Variants in HRH2 observed in about 807,000 individuals in gnomAD.
The protein encoded by HRH2 is histamine H2 receptor.
HRH2 carries 4 observed loss-of-function variants against 20.1 expected under a neutral mutation model. That is an observed-to-expected ratio of 0.20 (90% CI 0.10 to 0.45). The LOEUF is 0.45. HRH2 is among the 20% of genes least tolerant of loss of function. The pLI, the probability that HRH2 is intolerant of heterozygous loss-of-function variation, is 0.99. For missense variants in HRH2, 250 were observed against 461.6 expected, an observed-to-expected ratio of 0.54 and a Z score of 4.20; for synonymous variants, 197 against 200.7, an observed-to-expected ratio of 0.98 and a Z score of 0.16.
At chr5:175,674,870 T>C (rs749898025) in intron 1 of HRH2, among the ~76,000 whole-genome samples, 1 of 152,332 alleles carries the variant, frequency 6.6e-6, no homozygotes, top group Non-Finnish European at 1.5e-5. Flanking sequence ...AGGAAGGAGT[T>C]AGACACCTGC....
intron 1 of HRH2, among the ~76,000 whole-genome samples, chr5:175,658,604 T>C (rs1762637959): frequency 6.6e-6 from 1 of 152,038 alleles, no homozygotes; most frequent in Admixed American, 6.6e-5. Context: ...GGAGCAACTT[T>C]CTGCTAAAGG....
chr5:175,673,852 C>A (rs1308598695), intron 1 of HRH2, among the ~76,000 whole-genome samples: 1 of 151,868 alleles, frequency 6.6e-6, no homozygotes, highest in African/African-American at 2.4e-5. Context: ...TTACAGATGC[C>A]CGCCACCACG....
intron 1 of HRH2, among the ~76,000 whole-genome samples, chr5:175,668,400 C>T (rs555226650): frequency 1.3e-5 from 2 of 151,220 alleles, no homozygotes; most frequent in East Asian, 1.9e-4. Context: ...AGCTGTTGCT[C>T]GCAGGGTGGG....
rs1325645243 is a variant in HRH2 at position 175,693,771 on chromosome 5, G to A, written c.1076+9462G>A. Among the ~76,000 whole-genome samples, 10 of 152,178 alleles carry A rather than the reference G, an allele frequency of 6.6e-5. No homozygotes were observed. Among genetic ancestry groups the A allele is most frequent in the Non-Finnish European group, 1.3e-4 (9 of 68,030 alleles). On this transcript the variant is annotated intron_variant, in intron 2 of 2. Coordinates refer to ENST00000636584, the MANE Select transcript of HRH2 (RefSeq NM_001367711.1). This position sits in a 1 kb window ranked among gnomAD's most constrained non-coding sequence, Gnocchi z 4.4. Reference sequence around the variant, plus strand: ...CAGACATGGCCTTAATGTCATGGTGGTAAGAGGATGCACATGCTCTTGTTC... The same window carrying A: ...CAGACATGGCCTTAATGTCATGGTGATAAGAGGATGCACATGCTCTTGTTC...
In HRH2 at chr5:175,665,542, G is replaced by A. The variant is rs116798116; in HGVS notation, c.-526+7387G>A. On this transcript the variant is annotated intron_variant, in intron 1 of 2. Transcript: ENST00000636584. ...GAGGGCTGTTAGAACCCAGAGCAGGGGTCCTGGCTACAAGACCACTGACTG... is the reference window on the plus strand; with the variant it reads ...GAGGGCTGTTAGAACCCAGAGCAGGAGTCCTGGCTACAAGACCACTGACTG... Among the ~76,000 whole-genome samples the A allele has an allele frequency of 3.8e-3, 577 of 152,244 alleles. 4 individuals carry two copies. Among genetic ancestry groups the A allele is most frequent in the African/African-American group, 0.013 (534 of 41,538 alleles).
At chr5:175,690,524 C>T (rs1337158090) in intron 2 of HRH2, among the ~76,000 whole-genome samples, 1 of 151,800 alleles carries the variant, frequency 6.6e-6, no homozygotes. Context: ...ATCTCTTTTT[C>T]TTGTTCCTGT....
In HRH2 at chr5:175,710,314, C is replaced by G. The variant is rs549711815; in HGVS notation, c.*2343C>G. On this transcript the variant is annotated 3_prime_UTR_variant, in exon 3 of 3. Transcript: ENST00000636584. ...AGAGAAAAGAGAGTGCAGAGAGTGG[C>G]CAAAACAGATGCTTTCAGCAGTGTA... is the stretch of plus-strand genomic sequence containing the variant. The G allele has an allele frequency of 4.6e-5, 7 of 152,336 alleles. No homozygotes were observed. Among genetic ancestry groups the G allele is most frequent in the Non-Finnish European group, 1.0e-4 (7 of 68,152 alleles). 9.4% of individuals were successfully genotyped at this position (152,336 alleles called of 1,614,324 possible).
chr5:175,706,914 T>G (rs1756958997), intron 2 of HRH2, among the ~76,000 whole-genome samples: 1 of 152,176 alleles, frequency 6.6e-6, no homozygotes, highest in Non-Finnish European at 1.5e-5. Context: ...CTTGATTCCC[T>G]TGGTGGCCGA....
At chr5:175,684,387 G>A in intron 2 of HRH2, 78 bp downstream of exon 2, 1 of 1,541,760 alleles carries the variant, frequency 6.5e-7, no homozygotes, top group African/African-American at 1.4e-5. Flanking sequence ...TAAGGGAGCT[G>A]CTGTTTAGGT....
At chr5:175,706,542 C>T (rs1397018757) in intron 2 of HRH2, among the ~76,000 whole-genome samples, 1 of 152,072 alleles carries the variant, frequency 6.6e-6, no homozygotes. Context: ...TGAGAGTTGC[C>T]TTCTCAGAGC....
At chr5:175,701,504 C>T (rs1009042474) in intron 2 of HRH2, among the ~76,000 whole-genome samples, 3 of 152,300 alleles carry the variant, frequency 2.0e-5, no homozygotes, top group South Asian at 2.1e-4. Flanking sequence ...AATCCTCAGC[C>T]GGAGTCTTCC....
intron 2 of HRH2, chr5:175,685,360 G>A (rs1756134595): frequency 6.7e-7 from 1 of 1,498,558 alleles, no homozygotes; most frequent in South Asian, 1.2e-5. Context: ...AGGATACCTG[G>A]CACATAGAAG....
chr5:175,672,524 T>A (rs2113492685), intron 1 of HRH2, among the ~76,000 whole-genome samples: 1 of 152,264 alleles, frequency 6.6e-6, no homozygotes, highest in Middle Eastern at 3.4e-3. Context: ...GTTGAAGAGA[T>A]TAAATGGGAT....
At chr5:175,706,887 G>C (rs538713562) in intron 2 of HRH2, among the ~76,000 whole-genome samples, 2 of 152,330 alleles carry the variant, frequency 1.3e-5, no homozygotes, top group East Asian at 1.9e-4. Context: ...TATGTGGAAG[G>C]GGGAGGGAGC....
chr5:175,696,717 T>C (rs1756596898), intron 2 of HRH2, among the ~76,000 whole-genome samples: 1 of 152,182 alleles, frequency 6.6e-6, no homozygotes, highest in Non-Finnish European at 1.5e-5. Flanking sequence ...CCGTGGGACC[T>C]GCTGCAACAC....
chr5:175,701,004 C>T (rs1297852098), intron 2 of HRH2, among the ~76,000 whole-genome samples: 2 of 152,176 alleles, frequency 1.3e-5, no homozygotes, highest in Admixed American at 6.5e-5. Flanking sequence ...CAAGAAATAG[C>T]AGGATAACAC....
intron 1 of HRH2, among the ~76,000 whole-genome samples, chr5:175,663,246 C>T (rs1561717806): frequency 6.6e-6 from 1 of 152,166 alleles, no homozygotes; most frequent in Non-Finnish European, 1.5e-5. Flanking sequence ...TGAGGAATTG[C>T]CAAACTGTTT....
intron 1 of HRH2, among the ~76,000 whole-genome samples, chr5:175,670,456 A>C (rs1755489196): frequency 6.6e-6 from 1 of 152,180 alleles, no homozygotes; most frequent in Non-Finnish European, 1.5e-5. Flanking sequence ...AAACTAGGGG[A>C]GACACATGTT....
chr5:175,658,754 G>A (rs1762647336), intron 1 of HRH2, among the ~76,000 whole-genome samples: 2 of 152,174 alleles, frequency 1.3e-5, no homozygotes, highest in African/African-American at 4.8e-5. Flanking sequence ...GCGCTCAGCG[G>A]GTGGGAGTCC....
Sources: gnomAD v4.1 joint callset for allele counts (sites outside exome capture counted in the v4.1 genomes callset) on GRCh38, gnomAD v4.1.1 for gene constraint, Gnocchi (gnomAD v3.1) non-coding constraint, MANE v1.5 for transcripts, NCBI Gene and HGNC (gene_info 2026-07-23, HGNC 2026-07-21) for gene names.